FMNL2: variants seen among roughly 807,000 people sequenced by gnomAD.
The protein encoded by FMNL2 is formin like 2, also known as formin-like protein 2.
FMNL2 carries 51 observed loss-of-function variants against 130.2 expected under a neutral mutation model. The observed-to-expected ratio is 0.39, with a 90% CI of 0.31 to 0.49. The LOEUF (loss-of-function observed/expected upper bound fraction) is 0.49, where lower values mean the gene tolerates loss of function less well. FMNL2 is among the 20% of genes least tolerant of loss of function. The pLI is 0.85. For synonymous variants in FMNL2, 465 were observed against 467.1 expected, an observed-to-expected ratio of 1.00 and a Z score of 0.06; for missense variants, 977 against 1,316.2, an observed-to-expected ratio of 0.74 and a Z score of 3.99.
At position 152,375,412 on chromosome 2, in the gene FMNL2, G is replaced by A. The variant is rs891930119; in HGVS notation, c.117+39692G>A. ...AGGTTATGAGGATTAAGTTACATAA[G>A]ATTGTATGTGCTTAAAATAGGAGTT... On this transcript the variant is annotated intron_variant, in intron 1 of 25. Coordinates refer to ENST00000288670, the MANE Select transcript of FMNL2 (RefSeq NM_052905.4). Among the ~76,000 whole-genome samples, 22 of 152,320 alleles carry A rather than the reference G, an allele frequency of 1.4e-4. No individual in the cohort carries two copies. In the East Asian group the frequency reaches 4.2e-3, roughly 29 times the overall value.
chr2:152,470,713 G>A (rs1047317751), intron 1 of FMNL2, among the ~76,000 whole-genome samples: 2 of 152,088 alleles, frequency 1.3e-5, no homozygotes, highest in African/African-American at 4.8e-5. Flanking sequence ...ATCATATGCC[G>A]GATTTGAATT....
At chr2:152,447,628 A>C (rs13009223) in intron 1 of FMNL2, among the ~76,000 whole-genome samples, 2,079 of 151,860 alleles carry the variant, frequency 0.014, 35 homozygotes, top group East Asian at 0.066. Context: ...TGTCTCTTTA[A>C]ATGCATTTTC....
In FMNL2 at chr2:152,636,539, C is replaced by T; in HGVS notation, c.2793C>T (p.Leu931=). ...ACACGCTGCTGAAGGAGTTCATCCT[C>T]AACAATGAGGGGAAGCTGAAGAAGC... ...DHNTLLKEFI[L]NNEGKLKKLQ... Residue 931 remains leucine (L), a synonymous_variant, in exon 22 of 26, where the codon CTC becomes CTT. Transcript: ENST00000288670. 6.3e-7 allele frequency: 1 copy of T among 1,588,484 alleles called. No individual in the cohort carries two copies. The highest frequency in any genetic ancestry group is 1.1e-5 in the South Asian group (1 of 87,540).
At chr2:152,371,935 C>T (rs922714581) in intron 1 of FMNL2, among the ~76,000 whole-genome samples, 1 of 152,064 alleles carries the variant, frequency 6.6e-6, no homozygotes, top group Admixed American at 6.6e-5. Context: ...AGATGTGGGC[C>T]CTCCACCTTG....
intron 1 of FMNL2, among the ~76,000 whole-genome samples, chr2:152,459,808 A>G (rs528809533): frequency 1.3e-5 from 2 of 152,360 alleles, no homozygotes; most frequent in East Asian, 3.9e-4. Context: ...ATATATCTCA[A>G]CAAAGCTGCA....
chr2:152,427,372 C>T (rs917031746), intron 1 of FMNL2, among the ~76,000 whole-genome samples: 2 of 152,046 alleles, frequency 1.3e-5, no homozygotes, highest in African/African-American at 4.8e-5. Context: ...CATGGTGAAA[C>T]CCAGTCTCTA....
chr2:152,345,131 A>G (rs1682039847), intron 1 of FMNL2, among the ~76,000 whole-genome samples: 2 of 152,230 alleles, frequency 1.3e-5, no homozygotes, highest in Admixed American at 1.3e-4. Flanking sequence ...TTAGAAATAT[A>G]AATCAATCTT....
chr2:152,487,362 T>A (rs1161831893), intron 1 of FMNL2, among the ~76,000 whole-genome samples: 1 of 152,204 alleles, frequency 6.6e-6, no homozygotes, highest in Non-Finnish European at 1.5e-5. Flanking sequence ...TTCTTGAACA[T>A]AGGTAGGGAA....
intron 16 of FMNL2, among the ~76,000 whole-genome samples, chr2:152,625,831 A>G (rs1463926190): frequency 1.3e-5 from 2 of 152,126 alleles, no homozygotes; most frequent in Non-Finnish European, 2.9e-5. Flanking sequence ...TGACATAATA[A>G]TTCCTTCCCT....
intron 1 of FMNL2, among the ~76,000 whole-genome samples, chr2:152,351,424 C>G (rs1682476992): frequency 6.6e-6 from 1 of 152,124 alleles, no homozygotes; most frequent in Non-Finnish European, 1.5e-5. Flanking sequence ...ATTGTTCAAC[C>G]CCCACTTATG....
rs544200016 is a variant in FMNL2, at chr2:152,515,093, C to T, written c.118-6850C>T. ...GATTGCAGCCCAGGTGGCCCATCTCCAAAGCCCACACATTAGAAACCATAT... is the reference window on the plus strand; with the variant it reads ...GATTGCAGCCCAGGTGGCCCATCTCTAAAGCCCACACATTAGAAACCATAT... On this transcript the variant is annotated intron_variant, in intron 1 of 25. Coordinates refer to ENST00000288670, the MANE Select transcript of FMNL2 (RefSeq NM_052905.4). Among the ~76,000 whole-genome samples the T allele has an allele frequency of 3.3e-5, 5 of 152,162 alleles. No individual in the cohort carries two copies. In the South Asian group the frequency reaches 6.2e-4, roughly 19 times the overall value.
At chr2:152,571,703 G>A (rs1181430220) in intron 6 of FMNL2, among the ~76,000 whole-genome samples, 1 of 152,176 alleles carries the variant, frequency 6.6e-6, no homozygotes, top group African/African-American at 2.4e-5. Context: ...AACGAAGAAA[G>A]TTTAGCCTAG....
intron 1 of FMNL2, among the ~76,000 whole-genome samples, chr2:152,352,330 T>C (rs898008603): frequency 6.6e-6 from 1 of 152,160 alleles, no homozygotes; most frequent in African/African-American, 2.4e-5. Flanking sequence ...GGTAGGTATA[T>C]CCCTGTCTCA....
intron 1 of FMNL2, among the ~76,000 whole-genome samples, chr2:152,353,850 G>GT (rs769947502): frequency 1.3e-5 from 2 of 152,150 alleles, no homozygotes; most frequent in South Asian, 4.1e-4. Context: ...TATTTTACAG[G>GT]TAACTTTAGT....
intron 9 of FMNL2, among the ~76,000 whole-genome samples, chr2:152,586,026 C>T (rs1280028397): frequency 6.6e-6 from 1 of 152,088 alleles, no homozygotes; most frequent in Non-Finnish European, 1.5e-5. Flanking sequence ...TAATAAAATC[C>T]TCTGAGGGCT....
chr2:152,641,695 A>C (rs962505906), intron 25 of FMNL2, among the ~76,000 whole-genome samples: 1 of 152,186 alleles, frequency 6.6e-6, no homozygotes, highest in African/African-American at 2.4e-5. Flanking sequence ...ACTCATGGCC[A>C]ATCTTGTTAC....
intron 1 of FMNL2, among the ~76,000 whole-genome samples, chr2:152,364,131 G>A (rs892185342): frequency 1.3e-5 from 2 of 152,094 alleles, no homozygotes; most frequent in African/African-American, 4.8e-5. Context: ...TTACAGACAA[G>A]TGAGTTGAGC....
chr2:152,580,814 C>A (rs1696737789), intron 8 of FMNL2, 142 bp from the exon 9 acceptor site: 2 of 702,720 alleles, frequency 2.8e-6, no homozygotes, highest in Non-Finnish European at 4.7e-6. Flanking sequence ...TAAAAATGTA[C>A]TTTGATTAAA....
intron 2 of FMNL2, among the ~76,000 whole-genome samples, chr2:152,530,890 G>C (rs1182924803): frequency 1.3e-5 from 2 of 152,198 alleles, no homozygotes; most frequent in African/African-American, 4.8e-5. Context: ...TAATGATACT[G>C]TAGGTATTTG....
Sources: gnomAD v4.1 joint callset for allele counts (sites outside exome capture counted in the v4.1 genomes callset) on GRCh38, gnomAD v4.1.1 for gene constraint, MANE v1.5 for transcripts, NCBI Gene and HGNC (gene_info 2026-07-23, HGNC 2026-07-21) for gene names.